The following IBTK variants were observed in gnomAD, a reference collection of about 807,000 sequenced individuals.
IBTK encodes inhibitor of Bruton tyrosine kinase, also known as BTK-binding protein.
Under a neutral mutation model 154.9 loss-of-function variants are expected in IBTK, and 83 were observed. That is an observed-to-expected ratio of 0.54 (90% CI 0.45 to 0.64). The LOEUF (loss-of-function observed/expected upper bound fraction) is 0.64. Among genes scored for constraint, IBTK ranks in the 30% least tolerant of loss-of-function variants. The pLI is 0.00. For missense variants in IBTK, 1,332 were observed against 1,584.6 expected (o/e 0.84, Z 2.71); for synonymous variants, 515 against 536.1 (o/e 0.96, Z 0.54).
At chr6:82,193,142 T>C (rs1768843144) in intron 23 of IBTK, among the ~76,000 whole-genome samples, 1 of 152,006 alleles carries the variant, frequency 6.6e-6, no homozygotes, top group Admixed American at 6.5e-5. Flanking sequence ...AGGGAACCTG[T>C]TTCCTGTACT....
At chr6:82,226,747 C>T (rs1272034033) in intron 5 of IBTK, among the ~76,000 whole-genome samples, 2 of 152,206 alleles carry the variant, frequency 1.3e-5, no homozygotes, top group East Asian at 3.9e-4. Flanking sequence ...GCTGGGATTA[C>T]AGACATGTAC....
Position 82,216,259 on chromosome 6 carries a change from A to G in IBTK, c.1427-9T>C. On this transcript the variant is annotated splice_polypyrimidine_tract_variant and intron_variant, in intron 10 of 28. Coordinates refer to ENST00000306270, the MANE Select transcript of IBTK (RefSeq NM_015525.4). ...AAGGTTTGATAAAATCTCTGTTAAA[A>G]AAAAATAAACTACCATTAATCAAGG... 6.4e-7 allele frequency: 1 copy of G among 1,551,440 alleles called. No individual in the cohort carries two copies. The highest frequency in any genetic ancestry group is 8.7e-7 in the Non-Finnish European group (1 of 1,144,500).
At chr6:82,191,398 A>G (rs2127802952) in intron 24 of IBTK, 182 bp from the exon 25 acceptor site, 2 of 597,756 alleles carry the variant, frequency 3.3e-6, no homozygotes, top group South Asian at 2.1e-5. Context: ...AATGCTCACA[A>G]GTTTCAACAA....
chr6:82,209,793 T>C (rs1477903771), intron 16 of IBTK, among the ~76,000 whole-genome samples: 5 of 152,222 alleles, frequency 3.3e-5, no homozygotes, highest in African/African-American at 1.2e-4. Context: ...CTCTCAAGTA[T>C]ACAAATCTTC....
chr6:82,225,763 G>GT (rs1216846225), intron 5 of IBTK, 116 bp from the exon 6 acceptor site: 1 of 720,210 alleles, frequency 1.4e-6, no homozygotes, highest in Non-Finnish European at 2.2e-6. Context: ...ATACATGGCT[G>GT]TATCTATCAT....
intron 1 of IBTK, among the ~76,000 whole-genome samples, chr6:82,242,056 T>C (rs537347338): frequency 1.3e-5 from 2 of 152,298 alleles, no homozygotes; most frequent in African/African-American, 2.4e-5. Flanking sequence ...ACAAAAGTAG[T>C]TGCAGATTTT....
At position 82,239,981 on chromosome 6, in the gene IBTK, C is replaced by A. The variant is rs137930508; in HGVS notation, c.321+185G>T. 1.6e-3 allele frequency among the ~76,000 whole-genome samples: 246 copies of A among 152,060 alleles called. 1 individual carries two copies. The highest frequency in any genetic ancestry group is 5.6e-3 in the African/African-American group (233 of 41,482). ...ATGATAAATGTTTAAAATTTTACATCACAAAAAAGTTAAGTAAAAGGATAT... is the reference window on the plus strand; with the variant it reads ...ATGATAAATGTTTAAAATTTTACATAACAAAAAAGTTAAGTAAAAGGATAT... On this transcript the variant is annotated intron_variant, in intron 2 of 28. Coordinates refer to ENST00000306270, the MANE Select transcript of IBTK (RefSeq NM_015525.4).
At chr6:82,185,098 G>A (rs1458116959) in intron 25 of IBTK, among the ~76,000 whole-genome samples, 1 of 149,994 alleles carries the variant, frequency 6.7e-6, no homozygotes, top group Non-Finnish European at 1.5e-5. Flanking sequence ...CAGGAGAAGT[G>A]CTTGAACCCA....
At position 82,185,184 on chromosome 6, in the gene IBTK, G is replaced by GAA. The variant is rs1196015823; in HGVS notation, c.3576-3158_3576-3157dup. Among the ~76,000 whole-genome samples the GAA allele has an allele frequency of 2.7e-3, 102 of 37,664 alleles. 1 individual carries two copies. Among genetic ancestry groups the GAA allele is most frequent in the Non-Finnish European group, 3.3e-3 (58 of 17,488 alleles). 24.7% of individuals were successfully genotyped at this position (37,664 alleles called of 152,430 possible). On this transcript the variant is annotated intron_variant, in intron 25 of 28. Transcript: ENST00000306270. ...GGCGACAGAGCAAAACTCTGTCTCA[G>GAA]AAAAAAAAAAAAAAAAAAAAAACAG...
chr6:82,226,610 T>G (rs1354624109), intron 5 of IBTK, among the ~76,000 whole-genome samples: 3 of 151,270 alleles, frequency 2.0e-5, no homozygotes, highest in African/African-American at 4.9e-5. Context: ...TTTTGTTTTT[T>G]TTTTTTTCTT....
At chr6:82,186,508 G>A (rs183287969) in intron 25 of IBTK, among the ~76,000 whole-genome samples, 16 of 152,128 alleles carry the variant, frequency 1.1e-4, no homozygotes, top group African/African-American at 3.1e-4. Flanking sequence ...AGCAAACTAC[G>A]TATAGTATAA....
At chr6:82,238,501 G>A (rs528790748) in intron 2 of IBTK, among the ~76,000 whole-genome samples, 124 of 151,940 alleles carry the variant, frequency 8.2e-4, no homozygotes, top group Middle Eastern at 6.8e-3. Context: ...ACAATGGTGC[G>A]ATCTCAGCTT....
chr6:82,182,133 T>C (rs1768346449), intron 25 of IBTK, 105 bp from the exon 26 acceptor site: 3 of 1,055,656 alleles, frequency 2.8e-6, no homozygotes, highest in Non-Finnish European at 2.7e-6. Context: ...TTTTACAATA[T>C]ACAATTGCAG....
At chr6:82,196,215 G>T in intron 22 of IBTK, 83 bp downstream of exon 22, 1 of 1,146,946 alleles carries the variant, frequency 8.7e-7, no homozygotes, top group Non-Finnish European at 1.2e-6. Flanking sequence ...TTAAAATTAG[G>T]GCAAAAATAA....
chr6:82,241,607 G>C (rs1393290106), intron 1 of IBTK, among the ~76,000 whole-genome samples: 1 of 152,112 alleles, frequency 6.6e-6, no homozygotes, highest in African/African-American at 2.4e-5. Flanking sequence ...AAAAGCACTG[G>C]ATGAAAATAC....
At chr6:82,211,273 T>A in intron 15 of IBTK, 94 bp downstream of exon 15, 2 of 945,288 alleles carry the variant, frequency 2.1e-6, no homozygotes, top group Non-Finnish European at 3.2e-6. Flanking sequence ...AGCTAAAATA[T>A]CCAGTTCTGA....
intron 25 of IBTK, among the ~76,000 whole-genome samples, chr6:82,189,237 T>C (rs527523578): frequency 3.4e-4 from 51 of 151,938 alleles, no homozygotes; most frequent in African/African-American, 1.1e-3. Context: ...TACATTATGA[T>C]ACATTACTGT....
chr6:82,183,642 T>G (rs927746141), intron 25 of IBTK, among the ~76,000 whole-genome samples: 2 of 152,110 alleles, frequency 1.3e-5, no homozygotes, highest in Non-Finnish European at 2.9e-5. Context: ...TACATGAGAA[T>G]AAAATATCCC....
Position 82,223,996 on chromosome 6 carries a change from A to C in IBTK, c.943+72T>G, listed in dbSNP as rs577269523. On this transcript the variant is annotated intron_variant, in intron 7 of 28. Coordinates refer to ENST00000306270, the MANE Select transcript of IBTK (RefSeq NM_015525.4). ...TCATAATCTCATTCTAATCAATAAA[A>C]ATTAAAAAGAAAAGATAATTTTTTA... 676 of 878,424 alleles carry C rather than the reference A, an allele frequency of 7.7e-4. 9 individuals are homozygous for C. The South Asian group carries it at 9.6e-3, about 12-fold the overall frequency. The allele number at this position is 878,424 out of a possible 1,614,324, so 54.4% of individuals were successfully genotyped here. A position where few individuals can be genotyped will look rare whatever the true frequency, so the allele number is the denominator to read the frequency against.
Sources: gnomAD v4.1 joint callset for allele counts (sites outside exome capture counted in the v4.1 genomes callset) on GRCh38, gnomAD v4.1.1 for gene constraint, MANE v1.5 for transcripts, NCBI Gene and HGNC (gene_info 2026-07-23, HGNC 2026-07-21) for gene names.